SI: variants seen among roughly 807,000 people sequenced by gnomAD.
SI encodes the protein sucrase-isomaltase.
In SI, 235 loss-of-function variants were observed where a neutral mutation model predicts 253.3. The ratio of observed to expected loss-of-function variants is 0.93; its 90% confidence interval spans 0.83 to 1.03. The LOEUF is 1.03. SI is among the 50% of genes least tolerant of loss of function. The pLI, the probability that SI is intolerant of heterozygous loss-of-function variation, is 0.00. For missense variants in SI, 2,442 were observed against 2,211.1 expected, an observed-to-expected ratio of 1.10 and a Z score of -2.09; for synonymous variants, 819 against 712.0, an observed-to-expected ratio of 1.15 and a Z score of -2.39.
intron 45 of SI, among the ~76,000 whole-genome samples, chr3:164,986,849 G>A (rs1039551949): frequency 9.2e-5 from 14 of 152,142 alleles, no homozygotes; most frequent in Non-Finnish European, 1.9e-4. Context: ...ATAGCACTGT[G>A]CTAGCTTCTG....
intron 33 of SI, among the ~76,000 whole-genome samples, chr3:165,013,379 G>A (rs1486569465): frequency 6.6e-6 from 1 of 151,940 alleles, no homozygotes; most frequent in African/African-American, 2.4e-5. Context: ...TAGTATATTA[G>A]AATTATTTGT....
intron 37 of SI, among the ~76,000 whole-genome samples, chr3:165,004,342 C>T (rs1718400104): frequency 6.6e-6 from 1 of 152,142 alleles, no homozygotes; most frequent in African/African-American, 2.4e-5. Context: ...TGCTCTTTCG[C>T]TGTTGGTAAG....
At chr3:165,070,577 T>C (rs1714511542) in intron 3 of SI, among the ~76,000 whole-genome samples, 1 of 151,614 alleles carries the variant, frequency 6.6e-6, no homozygotes, top group South Asian at 2.1e-4. Context: ...AAAAATTACT[T>C]ACAGCAGTCT....
chr3:165,063,583 TA>T, intron 7 of SI, 42 bp from the exon 8 acceptor site: 1 of 842,598 alleles, frequency 1.2e-6, no homozygotes, highest in Non-Finnish European at 2.0e-6. Context: ...CAAATATGTT[TA>T]AAACACAAAA....
At chr3:165,030,953 T>C in intron 24 of SI, 86 bp from the exon 25 acceptor site, 2 of 1,449,844 alleles carry the variant, frequency 1.4e-6, no homozygotes, top group Non-Finnish European at 1.8e-6. Flanking sequence ...GATCATTGGA[T>C]GATTTAAAAA....
rs544440490 is a variant in SI, at chr3:165,053,128, G to A, written c.1512+2066C>T. Among the ~76,000 whole-genome samples the A allele has an allele frequency of 1.2e-4, 18 of 151,798 alleles. No homozygotes were observed. The East Asian group carries it at 3.1e-3, about 26-fold the overall frequency. On this transcript the variant is annotated intron_variant, in intron 13 of 47. Transcript: ENST00000264382. Reference sequence around the variant, plus strand: ...ATAGTTTTGGTCTTAATTACATTAAGTACAGTAGGCTTTTGTTTCTCAACT... The same window carrying A: ...ATAGTTTTGGTCTTAATTACATTAAATACAGTAGGCTTTTGTTTCTCAACT...
chr3:164,981,789 C>A (rs184646150), intron 47 of SI, among the ~76,000 whole-genome samples: 1 of 152,112 alleles, frequency 6.6e-6, no homozygotes, highest in Admixed American at 6.6e-5. Context: ...AGCAATGATG[C>A]TTTAACGCAA....
At position 165,065,464 on chromosome 3, in the gene SI, AATATATAT is replaced by A. The variant is rs66946322; in HGVS notation, c.636-40_636-33del. ...CATAAAAGAAATAAAGAAATAATCT[AATATATAT>A]ATATATATATATATATATATATGAT... On this transcript the variant is annotated intron_variant, in intron 6 of 47. Transcript: ENST00000264382. 8.7e-3 allele frequency: 1,821 copies of A among 209,680 alleles called. 133 individuals carry two copies. The highest frequency in any genetic ancestry group is 0.07 in the African/African-American group (1,652 of 23,630). The allele number at this position is 209,680 out of a possible 1,614,324, so 13.0% of individuals were successfully genotyped here. A position where few individuals can be genotyped will look rare whatever the true frequency, so the allele number is the denominator to read the frequency against.
At chr3:165,054,656 T>G (rs1344213772) in intron 13 of SI, among the ~76,000 whole-genome samples, 1 of 152,128 alleles carries the variant, frequency 6.6e-6, no homozygotes, top group Non-Finnish European at 1.5e-5. Context: ...CACAAGACTG[T>G]ATTTTTCTTT....
chr3:165,048,355 G>A (rs1442252832), intron 15 of SI, among the ~76,000 whole-genome samples: 1 of 151,262 alleles, frequency 6.6e-6, no homozygotes, highest in South Asian at 2.1e-4. Flanking sequence ...TTAGTTAGAA[G>A]GATATTAATT....
chr3:164,994,244 A>C lies in SI; in HGVS notation c.4841+13T>G. On this transcript the variant is annotated intron_variant, in intron 41 of 47. Coordinates refer to ENST00000264382, the MANE Select transcript of SI (RefSeq NM_001041.4). ...ATCTCTCTGTGATAAGAGAAAACAA[A>C]CTTTGTACTTACTCATGCAAAAGGG... is the stretch of plus-strand genomic sequence containing the variant. 1 of 1,608,600 alleles carries C rather than the reference A, an allele frequency of 6.2e-7. No homozygotes were observed. Among genetic ancestry groups the C allele is most frequent in the Non-Finnish European group, 8.5e-7 (1 of 1,176,150 alleles).
At chr3:165,066,410 C>T (rs936513507) in intron 6 of SI, among the ~76,000 whole-genome samples, 1 of 151,898 alleles carries the variant, frequency 6.6e-6, no homozygotes, top group Non-Finnish European at 1.5e-5. Flanking sequence ...AACTAATTAA[C>T]ATATCCACCA....
intron 30 of SI, 36 bp downstream of exon 30, chr3:165,017,725 A>AT (rs1719107348): frequency 6.3e-7 from 1 of 1,596,704 alleles, no homozygotes; most frequent in Non-Finnish European, 8.5e-7. Context: ...TGCTATAAAA[A>AT]TTTTTAATTT....
chr3:164,992,033 T>G (rs1717756678), intron 43 of SI, 144 bp downstream of exon 43: 1 of 741,308 alleles, frequency 1.3e-6, no homozygotes, highest in African/African-American at 1.7e-5. Context: ...ATTAATTCAA[T>G]TCAGCTATAA....
chr3:165,037,879 A>G, intron 21 of SI, 21 bp downstream of exon 21: 1 of 1,500,882 alleles, frequency 6.7e-7, no homozygotes, highest in Non-Finnish European at 9.2e-7. Flanking sequence ...TTAGATTTCA[A>G]CTAATGATTT....
intron 16 of SI, among the ~76,000 whole-genome samples, chr3:165,043,726 C>T (rs1463465723): frequency 6.6e-6 from 1 of 151,934 alleles, no homozygotes; most frequent in Non-Finnish European, 1.5e-5. Context: ...TTACCATTTA[C>T]AAACATTTCT....
At chr3:165,041,817 A>G (rs553129191) in intron 17 of SI, among the ~76,000 whole-genome samples, 2 of 152,202 alleles carry the variant, frequency 1.3e-5, no homozygotes, top group South Asian at 2.1e-4. Context: ...TCCACTATTA[A>G]GTTTGCACTG....
At chr3:165,057,718 CT>C (rs1713765036) in intron 12 of SI, among the ~76,000 whole-genome samples, 1 of 148,448 alleles carries the variant, frequency 6.7e-6, no homozygotes. Flanking sequence ...AAAAAAAAAA[CT>C]TTTATCTTAG....
At chr3:165,068,170 T>C (rs1224752857) in intron 5 of SI, among the ~76,000 whole-genome samples, 1 of 97,792 alleles carries the variant, frequency 1.0e-5, no homozygotes, top group Non-Finnish European at 2.3e-5. Context: ...AATTTTAGAT[T>C]AATCTTCTGC....
Sources: gnomAD v4.1 joint callset for allele counts (sites outside exome capture counted in the v4.1 genomes callset) on GRCh38, gnomAD v4.1.1 for gene constraint, MANE v1.5 for transcripts, NCBI Gene and HGNC (gene_info 2026-07-23, HGNC 2026-07-21) for gene names.